TMCO6: variants seen among roughly 807,000 people sequenced by gnomAD.
TMCO6 encodes the protein transmembrane and coiled-coil domains 6, also known as transmembrane and coiled-coil domain-containing protein 6.
A neutral mutation model predicts 61.8 loss-of-function variants in TMCO6; 47 were observed. That is an observed-to-expected ratio of 0.76 (90% CI 0.60 to 0.97). The LOEUF (loss-of-function observed/expected upper bound fraction) is 0.97. Among genes scored for constraint, TMCO6 ranks in the 50% least tolerant of loss-of-function variants. TMCO6 has a pLI of 0.00. For missense variants in TMCO6, 557 were observed against 601.6 expected, an observed-to-expected ratio of 0.93 and a Z score of 0.78; for synonymous variants, 261 against 254.2, an observed-to-expected ratio of 1.03 and a Z score of -0.25.
Position 140,645,399 on chromosome 5 carries a change from T to C in TMCO6, c.*301T>C, listed in dbSNP as rs1757337889. On this transcript the variant is annotated 3_prime_UTR_variant, in exon 12 of 12. Coordinates refer to ENST00000394671, the MANE Select transcript of TMCO6 (RefSeq NM_018502.5). ...GAGACAGAATAAAGTTTTATTTTTA[T>C]ATTAAGCTACTTTGCCTCAGTGGTT... 3 of 822,510 alleles carry C rather than the reference T, an allele frequency of 3.6e-6. No individual in the cohort carries two copies. The highest frequency in any genetic ancestry group is 6.0e-6 in the Non-Finnish European group (3 of 496,526). 51.0% of individuals were successfully genotyped at this position (822,510 alleles called of 1,614,324 possible). A position where few individuals can be genotyped will look rare whatever the true frequency, so the allele number is the denominator to read the frequency against.
chr5:140,631,327 G>A, the TMCO6 span, among the ~76,000 whole-genome samples: 1 of 152,056 alleles, frequency 6.6e-6, no homozygotes, highest in African/African-American at 2.4e-5. Context: ...GGGAGAGGGA[G>A]GGTGTGTGAG....
chr5:140,624,905 G>C, the TMCO6 span, among the ~76,000 whole-genome samples: 1 of 140,398 alleles, frequency 7.1e-6, no homozygotes, highest in African/African-American at 2.7e-5. Flanking sequence ...CCAGGCTAGA[G>C]TACAGTGGCA....
At position 140,642,151 on chromosome 5, in the gene TMCO6, T is replaced by G. The variant is rs866735503; in HGVS notation, c.498+98T>G. On this transcript the variant is annotated intron_variant, in intron 4 of 11. Coordinates refer to ENST00000394671, the MANE Select transcript of TMCO6 (RefSeq NM_018502.5). ...GGCAGGTAGGAGGAAGAAAACATGT[T>G]TGCCCTTATGCCTACAGCCATGGCT... 7.4e-6 allele frequency: 11 copies of G among 1,495,864 alleles called. No individual in the cohort carries two copies. In the South Asian group the frequency reaches 1.3e-4, roughly 17 times the overall value. 92.7% of individuals were successfully genotyped at this position (1,495,864 alleles called of 1,614,324 possible).
At chr5:140,604,954 CT>C in the TMCO6 span, among the ~76,000 whole-genome samples, 1 of 152,088 alleles carries the variant, frequency 6.6e-6, no homozygotes, top group Non-Finnish European at 1.5e-5. Context: ...AATATTAAGT[CT>C]TCCAATGCAT....
At chr5:140,610,186 T>TA in the TMCO6 span, among the ~76,000 whole-genome samples, 2,322 of 70,710 alleles carry the variant, frequency 0.033, 50 homozygotes, top group East Asian at 0.083. Flanking sequence ...CCATTTCTAC[T>TA]AAAAAAAAAA....
chr5:140,647,189 G>T, downstream of TMCO6: 1 of 1,476,388 alleles, frequency 6.8e-7, no homozygotes, highest in Non-Finnish European at 9.1e-7. Context: ...GACCTTGGGC[G>T]GTCCCTTCTC....
At chr5:140,609,428 A>G in the TMCO6 span, 1 of 196,976 alleles carries the variant, frequency 5.1e-6, no homozygotes, top group Non-Finnish European at 1.1e-5. Flanking sequence ...TGAGCATAAT[A>G]AAATCTTTAT....
At chr5:140,643,132 T>C (rs776988764) in intron 7 of TMCO6, 91 bp downstream of exon 7, 30 of 1,561,180 alleles carry the variant, frequency 1.9e-5, no homozygotes, top group Non-Finnish European at 2.4e-5. Context: ...GGAATTGCTA[T>C]AGTGAGTTTT....
downstream of TMCO6, chr5:140,645,784 G>A: frequency 5.8e-6 from 9 of 1,539,012 alleles, no homozygotes; most frequent in Non-Finnish European, 8.0e-6. Context: ...GACAGGAAGA[G>A]TATTAAAGAG....
chr5:140,643,971 G>A lies in TMCO6; in HGVS notation c.1105+5G>A, dbSNP rs369000743. The A allele has an allele frequency of 2.4e-5, 39 of 1,613,984 alleles. No homozygotes were observed. The highest frequency in any genetic ancestry group is 1.2e-4 in the African/African-American group (9 of 74,918). ...GGCTCCTCAACAACCTCACTGGTAC[G>A]CACCATAATCTGCCCAGGCCTGGAC... On this transcript the variant is annotated splice_donor_5th_base_variant and intron_variant, in intron 9 of 11. Transcript: ENST00000394671.
intron 1 of TMCO6, 62 bp downstream of exon 1, chr5:140,639,674 C>G: frequency 6.5e-7 from 1 of 1,544,728 alleles, no homozygotes. Flanking sequence ...AGACCCCAGG[C>G]TCGGAGCCGC....
chr5:140,605,357 TGGTAC>T, the TMCO6 span, among the ~76,000 whole-genome samples: 1 of 152,178 alleles, frequency 6.6e-6, no homozygotes. Flanking sequence ...CTAAAACTTC[TGGTAC>T]GGTAGTAAAT....
At chr5:140,618,342 T>C in the TMCO6 span, among the ~76,000 whole-genome samples, 1 of 151,898 alleles carries the variant, frequency 6.6e-6, no homozygotes, top group Non-Finnish European at 1.5e-5. Context: ...GACAAGAGAA[T>C]TGTCTGAACC....
chr5:140,599,769 T>G, the TMCO6 span, among the ~76,000 whole-genome samples: 5 of 152,024 alleles, frequency 3.3e-5, no homozygotes, highest in African/African-American at 7.2e-5. Flanking sequence ...GGCATGGTGG[T>G]GCACACCTGT....
chr5:140,602,766 T>TCA, the TMCO6 span, among the ~76,000 whole-genome samples: 12 of 147,586 alleles, frequency 8.1e-5, no homozygotes, highest in East Asian at 4.0e-4. Context: ...TCTGTCTCTC[T>TCA]CACACACACA....
At chr5:140,632,254 G>C in the TMCO6 span, 1 of 1,613,680 alleles carries the variant, frequency 6.2e-7, no homozygotes, top group East Asian at 2.2e-5. The surrounding 1 kb of genome is among the most constrained non-coding windows in gnomAD (Gnocchi z 6.2). Context: ...GCCGCCGCCA[G>C]TGCGGCGCAC....
At chr5:140,603,255 A>G in the TMCO6 span, among the ~76,000 whole-genome samples, 5 of 152,160 alleles carry the variant, frequency 3.3e-5, no homozygotes, top group East Asian at 9.6e-4. Context: ...GAAGGCAAAC[A>G]ATAACAACAT....
chr5:140,640,450 G>C (rs1483531058), intron 2 of TMCO6, among the ~76,000 whole-genome samples: 2 of 150,370 alleles, frequency 1.3e-5, no homozygotes, highest in East Asian at 3.9e-4. Context: ...TCTGTCGCCA[G>C]GCTGGAGTGC....
downstream of TMCO6, chr5:140,647,640 AC>A: frequency 1.3e-6 from 2 of 1,581,016 alleles, 1 homozygote; most frequent in South Asian, 2.3e-5. Context: ...CTCCGGTCTG[AC>A]CAACCGCGGA....
Sources: gnomAD v4.1 joint callset for allele counts (sites outside exome capture counted in the v4.1 genomes callset) on GRCh38, gnomAD v4.1.1 for gene constraint, Gnocchi (gnomAD v3.1) non-coding constraint, MANE v1.5 for transcripts, NCBI Gene and HGNC (gene_info 2026-07-23, HGNC 2026-07-21) for gene names.